Variants in CCDC157 observed in about 807,000 individuals in gnomAD.
CCDC157 encodes coiled-coil domain containing 157, also known as coiled-coil domain-containing protein 157.
A neutral mutation model predicts 70.9 loss-of-function variants in CCDC157; 60 were observed. The observed-to-expected ratio is 0.85, with a 90% CI of 0.69 to 1.05. The LOEUF is 1.05. Among genes scored for constraint, CCDC157 ranks in the 50% least tolerant of loss-of-function variants. CCDC157 has a pLI of 0.00. For synonymous variants in CCDC157, 373 were observed against 422.4 expected (o/e 0.88, Z 1.43); for missense variants, 943 against 984.2 (o/e 0.96, Z 0.56).
chr22:30,378,344 A>G lies in CCDC157; in HGVS notation c.*1599A>G. The stretch of plus-strand genomic sequence containing the variant: ...CAACCATGGGCATAAAATCCCTTTG[A>G]GAAGCCAGGCGCAGTGGCTCACGTC... On this transcript the variant is annotated 3_prime_UTR_variant, in exon 12 of 12. Transcript: ENST00000338306. 6.6e-6 allele frequency: 2 copies of G among 305,082 alleles called. No individual in the cohort carries two copies. The highest frequency in any genetic ancestry group is 6.7e-6 in the Non-Finnish European group (1 of 148,738). The allele number at this position is 305,082 out of a possible 1,614,324, so 18.9% of individuals were successfully genotyped here. A position where few individuals can be genotyped will look rare whatever the true frequency, so the allele number is the denominator to read the frequency against.
intron 2 of CCDC157, among the ~76,000 whole-genome samples, chr22:30,362,826 G>C (rs191904063): frequency 6.6e-6 from 1 of 152,156 alleles, no homozygotes; most frequent in Non-Finnish European, 1.5e-5. Context: ...ATGCCTAGTC[G>C]AGGGCTAAGC....
chr22:30,362,633 G>T (rs1410021879), intron 2 of CCDC157, among the ~76,000 whole-genome samples: 3 of 152,216 alleles, frequency 2.0e-5, no homozygotes, highest in Non-Finnish European at 4.4e-5. Context: ...GGATGGACCA[G>T]GTGGTACAGG....
At chr22:30,370,114 G>A (rs905282159) in intron 4 of CCDC157, 32 of 655,248 alleles carry the variant, frequency 4.9e-5, no homozygotes, top group South Asian at 9.1e-5. Context: ...CTTGGGGTGC[G>A]GGCCGCAGAG....
chr22:30,376,698 C>A lies in CCDC157; in HGVS notation c.2212C>A (p.Arg738=). Residue 738 remains arginine, a synonymous_variant, in exon 12 of 12, where the codon CGG becomes AGG. Coordinates refer to ENST00000338306, the MANE Select transcript of CCDC157 (RefSeq NM_001017437.5). ...VRLRKRLSPG[R]GQASSAHQPQ... ...GCTGAGAAAGAGACTGTCACCTGGC[C>A]GGGGACAGGCCAGCTCTGCACACCA... The A allele has an allele frequency of 1.2e-6, 2 of 1,613,334 alleles. No homozygotes were observed. Among genetic ancestry groups the A allele is most frequent in the East Asian group, 4.5e-5 (2 of 44,876 alleles).
intron 1 of CCDC157, among the ~76,000 whole-genome samples, chr22:30,358,923 G>GT (rs1932141515): frequency 1.3e-5 from 2 of 152,218 alleles, no homozygotes; most frequent in Non-Finnish European, 2.9e-5. Flanking sequence ...AACTATGCTT[G>GT]TATCTGCATG....
Position 30,370,781 on chromosome 22 carries a change from C to T in CCDC157, c.876C>T (p.Ala292=). The T allele has an allele frequency of 6.2e-7, 1 of 1,613,500 alleles. No homozygotes were observed. Among genetic ancestry groups the T allele is most frequent in the South Asian group, 1.1e-5 (1 of 91,076 alleles). Residue 292 remains alanine (A), a synonymous_variant, in exon 5 of 12, where the codon GCC becomes GCT. Coordinates refer to ENST00000338306, the MANE Select transcript of CCDC157 (RefSeq NM_001017437.5). ...DLTRLSKHVE[A]LRAQLEEAEG... is the part of the protein sequence containing the mutation. ...CGCGCCTCAGTAAGCATGTGGAGGC[C>T]CTCAGGGCCCAGCTGGAGGAGGCTG...
intron 5 of CCDC157, chr22:30,371,378 G>A (rs1932931997): frequency 3.7e-6 from 2 of 535,200 alleles, no homozygotes; most frequent in Admixed American, 3.2e-5. Flanking sequence ...TGGGAGGCCT[G>A]AGGGATTTGC....
At chr22:30,357,956 G>A (rs775352044) in intron 1 of CCDC157, among the ~76,000 whole-genome samples, 2 of 152,040 alleles carry the variant, frequency 1.3e-5, no homozygotes, top group Non-Finnish European at 2.9e-5. Flanking sequence ...GAGCCATCAC[G>A]CAGGGCTGCT....
chr22:30,363,279 C>T (rs1239313125), intron 2 of CCDC157, among the ~76,000 whole-genome samples: 1 of 152,152 alleles, frequency 6.6e-6, no homozygotes, highest in Non-Finnish European at 1.5e-5. Context: ...GAAGATGGAC[C>T]AGAAGCATTC....
chr22:30,356,744 TGGGCACGGGCGGCGGCGG>T, upstream of CCDC157: 1 of 1,494,780 alleles, frequency 6.7e-7, no homozygotes, highest in Non-Finnish European at 8.9e-7. Context: ...TTGGGCTCCG[TGGGCACGGGCGGCGGCGG>T]GGGCACCGCC....
chr22:30,375,333 T>C (rs554707382), intron 9 of CCDC157, 146 bp from the exon 10 acceptor site: 7 of 691,684 alleles, frequency 1.0e-5, no homozygotes, highest in Admixed American at 5.7e-5. Flanking sequence ...TCCCTGCAGG[T>C]TGGGGGACAG....
At position 30,376,937 on chromosome 22, in the gene CCDC157, T is replaced by G; in HGVS notation, c.*192T>G. 1 of 616,270 alleles carries G rather than the reference T, an allele frequency of 1.6e-6. No individual in the cohort carries two copies. Among genetic ancestry groups the G allele is most frequent in the African/African-American group, 1.8e-5 (1 of 54,218 alleles). The allele number at this position is 616,270 out of a possible 1,614,324, so 38.2% of individuals were successfully genotyped here. A position where few individuals can be genotyped will look rare whatever the true frequency, so the allele number is the denominator to read the frequency against. ...GTAGTTCAGTCAGTCAGCAGAGTCC[T>G]GGCACTATGGGCCCTCAGTAAAAGG... On this transcript the variant is annotated 3_prime_UTR_variant, in exon 12 of 12. Coordinates refer to ENST00000338306, the MANE Select transcript of CCDC157 (RefSeq NM_001017437.5).
chr22:30,366,058 G>C lies in CCDC157; in HGVS notation c.58G>C (p.Asp20His). Residue 20 changes from aspartate to histidine, a missense_variant, in exon 3 of 12, where the codon GAC (aspartate) becomes CAC (histidine). Coordinates refer to ENST00000338306, the MANE Select transcript of CCDC157 (RefSeq NM_001017437.5). ...GGAGAGCCTGCGCACAGACCTCACC[G>C]ACCTGCAGGGTGCCATCGTAGACGT... ...CMESLRTDLT[D>H]LQGAIVDVFS... is the part of the protein sequence containing the mutation. 3 of 1,607,454 alleles carry C rather than the reference G, an allele frequency of 1.9e-6. No homozygotes were observed. Among genetic ancestry groups the C allele is most frequent in the Non-Finnish European group, 2.5e-6 (3 of 1,179,844 alleles).
At chr22:30,365,836 GCCT>G in intron 2 of CCDC157, 151 bp from the exon 3 acceptor site, 1 of 721,634 alleles carries the variant, frequency 1.4e-6, no homozygotes, top group Non-Finnish European at 2.2e-6. Flanking sequence ...GGTCGGAAAG[GCCT>G]TGTCACCTGG....
At chr22:30,363,418 T>C (rs1399481812) in intron 2 of CCDC157, among the ~76,000 whole-genome samples, 1 of 152,054 alleles carries the variant, frequency 6.6e-6, no homozygotes, top group Non-Finnish European at 1.5e-5. Flanking sequence ...CTTAAGAACT[T>C]TTACTGGTGC....
rs975070014 is a variant in CCDC157, at chr22:30,372,402, C to T, written c.1335+116C>T. 2.2e-6 allele frequency: 3 copies of T among 1,355,214 alleles called. No homozygotes were observed. In the Admixed American group the frequency reaches 8.6e-5, roughly 39 times the overall value. 83.9% of individuals were successfully genotyped at this position (1,355,214 alleles called of 1,614,324 possible). On this transcript the variant is annotated intron_variant, in intron 7 of 11. Coordinates refer to ENST00000338306, the MANE Select transcript of CCDC157 (RefSeq NM_001017437.5). ...ATTGGGCATCTGCTCCCTGAGATGC[C>T]TCCAGGTGTGGGGGTTGACTCACCT...
intron 3 of CCDC157, chr22:30,368,728 G>T (rs762200869): frequency 6.6e-6 from 1 of 152,228 alleles, no homozygotes; most frequent in Non-Finnish European, 1.5e-5. Context: ...TGACCCTCCT[G>T]CATCTGCAAA....
At position 30,371,699 on chromosome 22, in the gene CCDC157, ACAG is replaced by A. The variant is rs1932952295; in HGVS notation, c.1100_1102del (p.Gln367del). On this transcript the variant is annotated inframe_deletion, in exon 6 of 12. Transcript: ENST00000338306. ...TGGCCACCCTGGAGAGAGAACTGAA[ACAG>A]CAGCGGGAGTCCACACAGGCTGTGG... 1 of 1,614,046 alleles carries A rather than the reference ACAG, an allele frequency of 6.2e-7. No homozygotes were observed. The highest frequency in any genetic ancestry group is 1.1e-5 in the South Asian group (1 of 91,086).
chr22:30,368,679 C>T (rs535950492), intron 3 of CCDC157: 1 of 152,356 alleles, frequency 6.6e-6, no homozygotes, highest in East Asian at 1.9e-4. Flanking sequence ...CACCTCTGCC[C>T]CCAGGCCCTC....
Sources: gnomAD v4.1 joint callset for allele counts (sites outside exome capture counted in the v4.1 genomes callset) on GRCh38, gnomAD v4.1.1 for gene constraint, MANE v1.5 for transcripts, NCBI Gene and HGNC (gene_info 2026-07-23, HGNC 2026-07-21) for gene names.